Variants in ITPRIP observed in about 807,000 individuals in gnomAD.
ITPRIP encodes inositol 1,4,5-trisphosphate receptor interacting protein.
In ITPRIP, 32 loss-of-function variants were observed where a neutral mutation model predicts 35.8. That is an observed-to-expected ratio of 0.89 (90% CI 0.68 to 1.20). The LOEUF is 1.20. Ranked by LOEUF, ITPRIP falls within the 50% of genes most tolerant of loss-of-function variation. ITPRIP has a pLI of 0.00. For synonymous variants in ITPRIP, 358 were observed against 324.0 expected (o/e 1.11, Z -1.13); for missense variants, 653 against 735.6 (o/e 0.89, Z 1.30).
At chr10:104,335,542 AG>A (rs1226449568) in intron 1 of ITPRIP, among the ~76,000 whole-genome samples, 1 of 152,164 alleles carries the variant, frequency 6.6e-6, no homozygotes, top group Non-Finnish European at 1.5e-5. Context: ...CCAGAGATTA[AG>A]GAAAGTCACT....
chr10:104,315,038 G>A lies in ITPRIP; in HGVS notation c.1014C>T (p.Phe338=), dbSNP rs750050271. Residue 338 remains phenylalanine, a synonymous_variant, in exon 2 of 2, where the codon TTC becomes TTT. Transcript: ENST00000337478. The surrounding 1 kb of genome is among the most constrained non-coding windows in gnomAD (Gnocchi z 5.7). ...TGAAGGGCATGAACTTCCCTGAACG[G>A]AACTTGATCTTCAGGGACCCCGGGC... The part of the protein sequence containing the change: ...LDSPGSLKIK[F]RSGKFMPFNL... 2 of 1,614,170 alleles carry A rather than the reference G, an allele frequency of 1.2e-6. No homozygotes were observed. The highest frequency in any genetic ancestry group is 1.7e-6 in the Non-Finnish European group (2 of 1,180,034).
Position 104,328,402 on chromosome 10 carries a change from T to G in ITPRIP, c.-14+9844A>C, listed in dbSNP as rs2014076957. On this transcript the variant is annotated intron_variant, in intron 1 of 1. Transcript: ENST00000337478. This position sits in a 1 kb window ranked among gnomAD's most constrained non-coding sequence, Gnocchi z 4.1. Reference sequence around the variant, plus strand: ...TCCCAAGAGTCGTCCCCTTTCTCTCTCTCCACCCCATGATCTACACACCCC... The same window carrying G: ...TCCCAAGAGTCGTCCCCTTTCTCTCGCTCCACCCCATGATCTACACACCCC... 3 of 457,512 alleles carry G rather than the reference T, an allele frequency of 6.6e-6. No individual in the cohort carries two copies. The highest frequency in any genetic ancestry group is 8.3e-6 in the Non-Finnish European group (3 of 363,024). 28.3% of individuals were successfully genotyped at this position (457,512 alleles called of 1,614,324 possible).
At chr10:104,322,286 A>G (rs966356162) in intron 1 of ITPRIP, among the ~76,000 whole-genome samples, 1 of 152,180 alleles carries the variant, frequency 6.6e-6, no homozygotes, top group Admixed American at 6.5e-5. Context: ...CAACCTGTTC[A>G]TCACACCGCT....
chr10:104,323,277 C>G (rs1227577315), intron 1 of ITPRIP: 1 of 152,232 alleles, frequency 6.6e-6, no homozygotes, highest in African/African-American at 2.4e-5. Flanking sequence ...GCTAAGTACT[C>G]TGCATATGTT....
intron 1 of ITPRIP, among the ~76,000 whole-genome samples, chr10:104,335,436 G>A (rs2014216764): frequency 6.6e-6 from 1 of 152,196 alleles, no homozygotes; most frequent in Admixed American, 6.5e-5. Context: ...AGGACCCTGC[G>A]TGCAGCCACC....
chr10:104,314,404 G>C lies in ITPRIP; in HGVS notation c.*4C>G. 6.2e-7 allele frequency: 1 copy of C among 1,602,828 alleles called. No individual in the cohort carries two copies. Among genetic ancestry groups the C allele is most frequent in the Non-Finnish European group, 8.5e-7 (1 of 1,173,140 alleles). On this transcript the variant is annotated 3_prime_UTR_variant, in exon 2 of 2. Transcript: ENST00000337478. ...CTCGAGGATCCCACATTCTGTAAAA[G>C]ACGTCAGCTTTTTGGGGTAGGCTGG...
intron 1 of ITPRIP, among the ~76,000 whole-genome samples, chr10:104,324,219 G>A (rs765556732): frequency 2.6e-5 from 4 of 152,192 alleles, no homozygotes; most frequent in Non-Finnish European, 4.4e-5. Context: ...CAGGACAGTG[G>A]GACAGGAGAA....
Position 104,312,771 on chromosome 10 carries a change from G to A in ITPRIP, c.*1637C>T. The stretch of plus-strand genomic sequence containing the variant: ...CTGGTTGAGAGCACTCCTGGGGATG[G>A]GGGAAGGATCTCCTTCCTTCAGTTT... On this transcript the variant is annotated 3_prime_UTR_variant, in exon 2 of 2. Coordinates refer to ENST00000337478, the MANE Select transcript of ITPRIP (RefSeq NM_001272013.2). 1 of 985,278 alleles carries A rather than the reference G, an allele frequency of 1.0e-6. No individual in the cohort carries two copies. The highest frequency in any genetic ancestry group is 1.2e-6 in the Non-Finnish European group (1 of 829,902). The allele number at this position is 985,278 out of a possible 1,614,324, so 61.0% of individuals were successfully genotyped here.
Position 104,314,519 on chromosome 10 carries a change from G to A in ITPRIP, c.1533C>T (p.Ser511=). The A allele has an allele frequency of 1.9e-6, 3 of 1,614,196 alleles. No homozygotes were observed. Among genetic ancestry groups the A allele is most frequent in the Admixed American group, 1.7e-5 (1 of 60,032 alleles). ...AGGAGTCCAGTGTCTTACGGTAAAG[G>A]CTTCGCTGCAGGACGAAGGGCCGGA... ...NLFRPFVLQR[S]LYRKTLDSFY... The change falls in exon 2 of 2, where the codon AGC becomes AGT. Residue 511 remains serine (S), a synonymous_variant. Transcript: ENST00000337478.
rs2013504355 is a variant in ITPRIP, at chr10:104,312,175, G to C, written c.*2233C>G. On this transcript the variant is annotated 3_prime_UTR_variant, in exon 2 of 2. Coordinates refer to ENST00000337478, the MANE Select transcript of ITPRIP (RefSeq NM_001272013.2). The stretch of plus-strand genomic sequence containing the variant: ...TTAATTCTTCCTTTAATATAAATAA[G>C]GCAGCATGAAACACCAAGAGCCCCA... The C allele has an allele frequency of 6.6e-6, 1 of 152,288 alleles. No homozygotes were observed. Among genetic ancestry groups the C allele is most frequent in the African/African-American group, 2.4e-5 (1 of 41,430 alleles). The allele number at this position is 152,288 out of a possible 1,614,324, so 9.4% of individuals were successfully genotyped here.
In ITPRIP at chr10:104,315,334, A is replaced by T; in HGVS notation, c.718T>A (p.Tyr240Asn). ...GCGCGGACCACCTTGATCTGGCCGTAGCCCTGGCGATCCAGGGGCACTGAG... is the reference window on the plus strand; with the variant it reads ...GCGCGGACCACCTTGATCTGGCCGTTGCCCTGGCGATCCAGGGGCACTGAG... ...GRSVPLDRQGYGQIKVVRADG... is the reference protein window; with the variant it reads ...GRSVPLDRQGNGQIKVVRADG... The change falls in exon 2 of 2, where the codon TAC becomes AAC. Residue 240 changes from tyrosine to asparagine, a missense_variant. Tyr to Asn is a moderately radical substitution (Grantham distance 143). Transcript: ENST00000337478. This position sits in a 1 kb window ranked among gnomAD's most constrained non-coding sequence, Gnocchi z 5.7. The T allele has an allele frequency of 6.4e-7, 1 of 1,564,872 alleles. No individual in the cohort carries two copies.
intron 1 of ITPRIP, among the ~76,000 whole-genome samples, chr10:104,317,217 C>T (rs977867487): frequency 1.3e-5 from 2 of 152,186 alleles, no homozygotes; most frequent in Middle Eastern, 3.2e-3. Flanking sequence ...TTTCTTCTTA[C>T]CAGGCATGTG....
chr10:104,314,674 C>T lies in ITPRIP; in HGVS notation c.1378G>A (p.Glu460Lys), dbSNP rs1005019805. 2.5e-6 allele frequency: 4 copies of T among 1,613,802 alleles called. No homozygotes were observed. The highest frequency in any genetic ancestry group is 2.2e-5 in the East Asian group (1 of 44,888). Residue 460 changes from glutamate to lysine, a missense_variant, in exon 2 of 2, where the codon GAG (glutamate) becomes AAG (lysine). Glu to Lys is a moderately conservative substitution (Grantham distance 56). Transcript: ENST00000337478. The part of the protein sequence containing the change: ...KAGQLDARLH[E>K]LLCFLEKSLL... The stretch of plus-strand genomic sequence containing the variant: ...CTCTTCTCCAGGAAGCACAGCAACT[C>T]GTGCAGACGAGCGTCCAGCTGCCCC...
rs1198880162 is a variant in ITPRIP at position 104,310,934 on chromosome 10, T to C, written c.*3474A>G. The C allele has an allele frequency of 1.3e-5, 2 of 152,202 alleles. No homozygotes were observed. The highest frequency in any genetic ancestry group is 2.4e-5 in the African/African-American group (1 of 41,448). 9.4% of individuals were successfully genotyped at this position (152,202 alleles called of 1,614,324 possible). On this transcript the variant is annotated 3_prime_UTR_variant, in exon 2 of 2. Coordinates refer to ENST00000337478, the MANE Select transcript of ITPRIP (RefSeq NM_001272013.2). ...GAGTCTGTGACACGGCCCAGGAAGC[T>C]GCCCCCAGGTGACACCCGTATGTGT...
intron 1 of ITPRIP, among the ~76,000 whole-genome samples, chr10:104,336,068 C>A (rs1201260484): frequency 6.6e-6 from 1 of 152,202 alleles, no homozygotes; most frequent in Non-Finnish European, 1.5e-5. Context: ...AGCTCACATG[C>A]CACTTATCCA....
Position 104,315,594 on chromosome 10 carries a change from GCC to G in ITPRIP, c.456_457del (p.Ala153HisfsTer17), listed in dbSNP as rs752551075. ...CCGGGTACGGGCTGCATCGGCCGTG[GCC>G]CCCCGGATGCAGCGCTCATAAAAGT... On this transcript the variant is annotated frameshift_variant, in exon 2 of 2. Coordinates refer to ENST00000337478, the MANE Select transcript of ITPRIP (RefSeq NM_001272013.2). LOFTEE classifies it high-confidence loss of function. This position sits in a 1 kb window ranked among gnomAD's most constrained non-coding sequence, Gnocchi z 5.7. 1 of 1,613,382 alleles carries G rather than the reference GCC, an allele frequency of 6.2e-7. No homozygotes were observed. Among genetic ancestry groups the G allele is most frequent in the African/African-American group, 1.3e-5 (1 of 74,934 alleles).
rs1006871162 is a variant in ITPRIP, at chr10:104,319,570, G to T, written c.-13-3506C>A. On this transcript the variant is annotated intron_variant, in intron 1 of 1. Transcript: ENST00000337478. ...ATCCATCTCCCCGCTTCCCCGGATC[G>T]GATCCCAGCTGTCATTTGGCTCCCT... 2.6e-5 allele frequency among the ~76,000 whole-genome samples: 4 copies of T among 152,172 alleles called. No homozygotes were observed. In the South Asian group the frequency reaches 6.2e-4, roughly 24 times the overall value.
rs1458736564 is a variant in ITPRIP, at chr10:104,315,540, A to G, written c.512T>C (p.Leu171Ser). The change falls in exon 2 of 2, where the codon TTG (leucine) becomes TCG (serine). Residue 171 changes from leucine (L) to serine (S), a missense_variant. Coordinates refer to ENST00000337478, the MANE Select transcript of ITPRIP (RefSeq NM_001272013.2). The surrounding 1 kb of genome is among the most constrained non-coding windows in gnomAD (Gnocchi z 5.7). ...REFLEGFVDD[L>S]LEALRSLCNR... Reference sequence around the variant, plus strand: ...GCAGAGGCTCCTCAGGGCTTCCAGCAAGTCATCCACGAAGCCTTCCAGGAA... The same window carrying G: ...GCAGAGGCTCCTCAGGGCTTCCAGCGAGTCATCCACGAAGCCTTCCAGGAA... 1 of 1,614,190 alleles carries G rather than the reference A, an allele frequency of 6.2e-7. No homozygotes were observed. The highest frequency in any genetic ancestry group is 1.7e-5 in the Admixed American group (1 of 60,034).
chr10:104,316,186 C>G, intron 1 of ITPRIP, 122 bp from the exon 2 acceptor site: 1 of 813,142 alleles, frequency 1.2e-6, no homozygotes, highest in Non-Finnish European at 1.9e-6. Context: ...CCCAACCCAT[C>G]GAGAGCTCCC....
Sources: allele counts gnomAD v4.1 joint callset (sites outside exome capture counted in the v4.1 genomes callset), GRCh38; gene constraint gnomAD v4.1.1; non-coding constraint Gnocchi (gnomAD v3.1); transcripts MANE v1.5; gene names NCBI Gene and HGNC (gene_info 2026-07-23, HGNC 2026-07-21).